Variants in SSH2 observed in about 807,000 individuals in gnomAD.
SSH2 encodes protein phosphatase Slingshot homolog 2.
In SSH2, 37 loss-of-function variants were observed where a neutral mutation model predicts 135.2. The ratio of observed to expected loss-of-function variants is 0.27; its 90% CI spans 0.21 to 0.36. The LOEUF (loss-of-function observed/expected upper bound fraction) is 0.36. SSH2 is among the 10% of genes least tolerant of loss of function. SSH2 has a pLI of 1.00. For synonymous variants in SSH2, 628 were observed against 646.2 expected, an observed-to-expected ratio of 0.97 and a Z score of 0.43; for missense variants, 1,408 against 1,765.3, an observed-to-expected ratio of 0.80 and a Z score of 3.63.
intron 3 of SSH2, among the ~76,000 whole-genome samples, chr17:29,705,777 T>C (rs1016818899): frequency 2.0e-5 from 3 of 152,236 alleles, no homozygotes; most frequent in Admixed American, 6.5e-5. Flanking sequence ...GTTCCCTACT[T>C]GGAATACTTT....
At chr17:29,914,035 T>C (rs2066836454) in intron 1 of SSH2, among the ~76,000 whole-genome samples, 1 of 152,178 alleles carries the variant, frequency 6.6e-6, no homozygotes, top group Non-Finnish European at 1.5e-5. Flanking sequence ...GTAGTCTCAG[T>C]AGCAAAGTAA....
At chr17:29,796,156 T>C (rs2042152189) in intron 2 of SSH2, among the ~76,000 whole-genome samples, 1 of 152,240 alleles carries the variant, frequency 6.6e-6, no homozygotes, top group Admixed American at 6.5e-5. Context: ...AGAGCTATAA[T>C]AGTACCAACA....
intron 3 of SSH2, among the ~76,000 whole-genome samples, chr17:29,786,272 C>T (rs150105162): frequency 3.9e-5 from 6 of 152,266 alleles, no homozygotes; most frequent in African/African-American, 1.4e-4. Context: ...GGTTCCCTGG[C>T]AAAACTCCAG....
At chr17:29,819,510 C>A (rs761305371) in intron 2 of SSH2, among the ~76,000 whole-genome samples, 1 of 152,010 alleles carries the variant, frequency 6.6e-6, no homozygotes, top group Non-Finnish European at 1.5e-5. Context: ...TTAAAAAAAA[C>A]TCTCAAACTA....
chr17:29,721,946 T>C (rs1598876630), intron 3 of SSH2, among the ~76,000 whole-genome samples: 1 of 152,170 alleles, frequency 6.6e-6, no homozygotes, highest in South Asian at 2.1e-4. Context: ...AATGAGACTG[T>C]CCTTGGGTGG....
intron 2 of SSH2, among the ~76,000 whole-genome samples, chr17:29,815,781 C>G (rs1443768655): frequency 6.6e-6 from 1 of 152,176 alleles, no homozygotes; most frequent in African/African-American, 2.4e-5. Context: ...GAACTCAGCT[C>G]AAATTCACAA....
intron 11 of SSH2, among the ~76,000 whole-genome samples, chr17:29,660,730 T>C (rs541452907): frequency 4.6e-5 from 7 of 152,104 alleles, no homozygotes; most frequent in Non-Finnish European, 8.8e-5. Context: ...CCTTTCTCCC[T>C]TTCCTTCATG....
chr17:29,812,922 C>T lies in SSH2; in HGVS notation c.145-18985G>A, dbSNP rs1013789558. 1.3e-5 allele frequency among the ~76,000 whole-genome samples: 2 copies of T among 151,292 alleles called. 1 individual carries two copies. Among genetic ancestry groups the T allele is most frequent in the East Asian group, 3.9e-4 (2 of 5,140 alleles). On this transcript the variant is annotated intron_variant, in intron 2 of 15. Coordinates refer to ENST00000540801, the MANE Select transcript of SSH2 (RefSeq NM_001282129.2). ...ACAAACAAACAAACAAAAAACCAAC[C>T]ATGCCATATATTCAAAACCAAAAGT...
At chr17:29,633,766 A>T (rs2035784239) in intron 15 of SSH2, among the ~76,000 whole-genome samples, 1 of 152,260 alleles carries the variant, frequency 6.6e-6, no homozygotes, top group African/African-American at 2.4e-5. Flanking sequence ...AAAAAAACAA[A>T]AGAATATCAA....
intron 5 of SSH2, among the ~76,000 whole-genome samples, chr17:29,691,302 GA>G (rs2038462111): frequency 6.6e-6 from 1 of 152,096 alleles, no homozygotes; most frequent in South Asian, 2.1e-4. Context: ...CAAATGTCCT[GA>G]AAATTCTTAA....
chr17:29,673,527 G>A (rs2037580313), intron 8 of SSH2, among the ~76,000 whole-genome samples: 1 of 151,108 alleles, frequency 6.6e-6, no homozygotes, highest in Admixed American at 6.6e-5. Context: ...CTGAGATGGT[G>A]CCACTGCACT....
At chr17:29,760,931 T>G (rs1176996085) in intron 3 of SSH2, among the ~76,000 whole-genome samples, 1 of 152,066 alleles carries the variant, frequency 6.6e-6, no homozygotes, top group African/African-American at 2.4e-5. Context: ...AAAGGATTCT[T>G]CCGTCCACCC....
At chr17:29,893,287 C>CA (rs149085067) in intron 1 of SSH2, among the ~76,000 whole-genome samples, 8,206 of 142,938 alleles carry the variant, frequency 0.057, 329 homozygotes, top group Non-Finnish European at 0.088. Context: ...GGAATTTAGG[C>CA]AAAAAAAAAG....
At chr17:29,671,743 G>A (rs2037502633) in intron 9 of SSH2, among the ~76,000 whole-genome samples, 192 bp downstream of exon 9, 1 of 152,198 alleles carries the variant, frequency 6.6e-6, no homozygotes, top group East Asian at 1.9e-4. Flanking sequence ...TTGGGGTGAA[G>A]CTTCTCAGGC....
chr17:29,723,658 C>A (rs181246960), intron 3 of SSH2, among the ~76,000 whole-genome samples: 3 of 134,878 alleles, frequency 2.2e-5, no homozygotes, highest in Admixed American at 7.8e-5. Context: ...TGAAAATTTT[C>A]TTTAATGATA....
rs2037511952 is a variant in SSH2, at chr17:29,671,943, G to A, written c.801C>T (p.Phe267=). The A allele has an allele frequency of 1.9e-6, 3 of 1,612,876 alleles. No individual in the cohort carries two copies. The highest frequency in any genetic ancestry group is 1.1e-5 in the South Asian group (1 of 90,942). Residue 267 remains phenylalanine (F), a synonymous_variant, in exon 9 of 16, where the codon TTC becomes TTT. Coordinates refer to ENST00000540801, the MANE Select transcript of SSH2 (RefSeq NM_001282129.2). ...TTAGCAAACTGACTTACATGTCGGT[G>A]AAGAGAGCTGGAGAGTCGGGCCGGT... is the stretch of plus-strand genomic sequence containing the variant. ...QSHRPDSPAL[F]TDIPTERERT...
At chr17:29,757,480 AT>A (rs993078687) in intron 3 of SSH2, among the ~76,000 whole-genome samples, 5 of 152,062 alleles carry the variant, frequency 3.3e-5, no homozygotes, top group African/African-American at 9.7e-5. Context: ...ATTCCTAATA[AT>A]TTTTTTAATG....
intron 3 of SSH2, among the ~76,000 whole-genome samples, chr17:29,791,845 C>A (rs924602814): frequency 6.6e-6 from 1 of 151,686 alleles, no homozygotes; most frequent in African/African-American, 2.4e-5. Context: ...CCTGCAAAAA[C>A]CCTCTGCTGG....
chr17:29,731,547 C>T (rs2040199862), intron 3 of SSH2, among the ~76,000 whole-genome samples: 1 of 151,952 alleles, frequency 6.6e-6, no homozygotes, highest in South Asian at 2.1e-4. Flanking sequence ...CCTCCGCCTC[C>T]CAGGTTCAAG....
Sources: allele counts gnomAD v4.1 joint callset (sites outside exome capture counted in the v4.1 genomes callset), GRCh38; gene constraint gnomAD v4.1.1; transcripts MANE v1.5; gene names NCBI Gene and HGNC (gene_info 2026-07-23, HGNC 2026-07-21).